The following PHKB variants were observed in gnomAD, a reference collection of about 807,000 sequenced individuals.
PHKB encodes phosphorylase kinase regulatory subunit beta.
Under a neutral mutation model 152.1 loss-of-function variants are expected in PHKB, and 122 were observed. The observed-to-expected ratio is 0.80, with a 90% confidence interval of 0.69 to 0.93. The LOEUF is 0.93. Ranked by LOEUF, PHKB falls within the 40% of genes least tolerant of loss-of-function variation. PHKB has a pLI of 0.00. For synonymous variants in PHKB, 436 were observed against 464.9 expected (o/e 0.94, Z 0.80); for missense variants, 1,304 against 1,328.4 (o/e 0.98, Z 0.29).
rs1971981122 is a variant in PHKB, at chr16:47,588,918, C to T, written c.884C>T (p.Ala295Val). The T allele has an allele frequency of 6.2e-7, 1 of 1,613,190 alleles. No homozygotes were observed. Reference sequence around the variant, plus strand: ...CATTGCCTCCAGAATACAGATGCTGCCCTGCTCCCCTGCATCAGTTATCCT... The same window carrying T: ...CATTGCCTCCAGAATACAGATGCTGTCCTGCTCCCCTGCATCAGTTATCCT... Reference protein sequence around the residue: ...RESRSHNTDAALLPCISYPAF... With the variant: ...RESRSHNTDAVLLPCISYPAF... Residue 295 changes from alanine (A) to valine (V), a missense_variant, in exon 10 of 31, where the codon GCC becomes GTC. Physicochemically the swap from Ala to Val is moderately conservative, Grantham distance 64. Coordinates refer to ENST00000323584, the MANE Select transcript of PHKB (RefSeq NM_000293.3).
intron 14 of PHKB, among the ~76,000 whole-genome samples, chr16:47,636,137 TGAG>T (rs925941321): frequency 3.3e-5 from 5 of 152,150 alleles, no homozygotes; most frequent in African/African-American, 7.2e-5. Context: ...GGGTTGATGA[TGAG>T]GAGTTGAGTT....
intron 6 of PHKB, among the ~76,000 whole-genome samples, chr16:47,541,342 CT>C (rs1476761509): frequency 6.6e-6 from 1 of 152,162 alleles, no homozygotes; most frequent in Non-Finnish European, 1.5e-5. Context: ...TTTTTTATGG[CT>C]GCATAGTATT....
chr16:47,683,216 C>G (rs918413914), intron 26 of PHKB, among the ~76,000 whole-genome samples: 2 of 152,206 alleles, frequency 1.3e-5, no homozygotes, highest in Non-Finnish European at 2.9e-5. Context: ...GGGTCAAGGA[C>G]CTACTTGAGG....
intron 14 of PHKB, among the ~76,000 whole-genome samples, chr16:47,622,277 A>G (rs905869528): frequency 2.0e-5 from 3 of 152,150 alleles, no homozygotes; most frequent in Admixed American, 6.6e-5. Context: ...CCTGTTTTGA[A>G]TCTATTCACA....
intron 6 of PHKB, among the ~76,000 whole-genome samples, chr16:47,543,457 A>G (rs867075751): frequency 2.0e-5 from 3 of 152,084 alleles, no homozygotes; most frequent in Admixed American, 6.5e-5. Flanking sequence ...TTGGTCTAAA[A>G]TTCTCTTTTT....
intron 26 of PHKB, 89 bp downstream of exon 26, chr16:47,669,506 G>T: frequency 8.8e-7 from 1 of 1,139,498 alleles, no homozygotes; most frequent in Admixed American, 1.7e-5. Flanking sequence ...CAATGTTCCT[G>T]GTGTCTGGTG....
At chr16:47,689,879 AAGATGTC>A (rs1455953716) in intron 27 of PHKB, among the ~76,000 whole-genome samples, 2 of 152,260 alleles carry the variant, frequency 1.3e-5, no homozygotes, top group African/African-American at 4.8e-5. Context: ...TCATGTTATA[AAGATGTC>A]AGTTGTAAAT....
intron 26 of PHKB, among the ~76,000 whole-genome samples, chr16:47,685,067 T>C (rs1428765370): frequency 6.6e-6 from 1 of 151,952 alleles, no homozygotes; most frequent in African/African-American, 2.4e-5. Flanking sequence ...CTGCCCTTTG[T>C]TCCTTCCTTC....
intron 7 of PHKB, among the ~76,000 whole-genome samples, chr16:47,574,595 A>G (rs1740956055): frequency 6.6e-6 from 1 of 152,234 alleles, no homozygotes; most frequent in Admixed American, 6.5e-5. Flanking sequence ...TGCAGGCTGT[A>G]TATACAAGAA....
intron 8 of PHKB, among the ~76,000 whole-genome samples, chr16:47,581,264 C>T (rs1971839647): frequency 6.6e-6 from 1 of 152,178 alleles, no homozygotes; most frequent in African/African-American, 2.4e-5. Context: ...CACCTCTCTT[C>T]TCCTTCTTAC....
chr16:47,617,858 C>T (rs950642803), intron 14 of PHKB, among the ~76,000 whole-genome samples: 3 of 152,192 alleles, frequency 2.0e-5, no homozygotes, highest in Non-Finnish European at 4.4e-5. Context: ...TGCCAAATGC[C>T]AGAACATGAA....
chr16:47,537,956 G>A (rs766252060), intron 6 of PHKB, among the ~76,000 whole-genome samples: 9 of 151,888 alleles, frequency 5.9e-5, no homozygotes, highest in South Asian at 4.2e-4. Flanking sequence ...GTGCAGTGGC[G>A]TGATCACAGC....
At chr16:47,695,413 T>TGTA (rs1273172674) in intron 28 of PHKB, among the ~76,000 whole-genome samples, 2 of 152,272 alleles carry the variant, frequency 1.3e-5, no homozygotes, top group African/African-American at 4.8e-5. Flanking sequence ...AGGTACTATC[T>TGTA]GTAAACATTA....
At chr16:47,566,635 TC>T in intron 7 of PHKB, 1 of 1,122,094 alleles carries the variant, frequency 8.9e-7, no homozygotes, top group Non-Finnish European at 1.4e-6. Context: ...GGAAGATGGC[TC>T]CAGTCGATAT....
At chr16:47,540,139 C>G (rs1170557345) in intron 6 of PHKB, among the ~76,000 whole-genome samples, 2 of 152,062 alleles carry the variant, frequency 1.3e-5, no homozygotes, top group Non-Finnish European at 2.9e-5. Flanking sequence ...TGGGGAAGGT[C>G]TATAAACGGC....
chr16:47,605,571 A>C (rs947549452), intron 13 of PHKB, among the ~76,000 whole-genome samples: 7 of 152,192 alleles, frequency 4.6e-5, no homozygotes, highest in Admixed American at 3.3e-4. Flanking sequence ...GTGATCATAC[A>C]ATTGAGATAC....
chr16:47,471,257 G>C (rs567484427), intron 1 of PHKB, among the ~76,000 whole-genome samples: 1 of 152,262 alleles, frequency 6.6e-6, no homozygotes, highest in South Asian at 2.1e-4. Flanking sequence ...TACTGAAAAG[G>C]CCATTATGGG....
At chr16:47,471,633 C>T (rs1165438162) in intron 1 of PHKB, among the ~76,000 whole-genome samples, 3 of 152,106 alleles carry the variant, frequency 2.0e-5, no homozygotes, top group African/African-American at 4.8e-5. Context: ...ATGTGGCCAC[C>T]TTGATTATGC....
intron 7 of PHKB, among the ~76,000 whole-genome samples, chr16:47,549,290 A>G (rs937191895): frequency 6.6e-6 from 1 of 152,232 alleles, no homozygotes; most frequent in Non-Finnish European, 1.5e-5. Flanking sequence ...ACATATGATT[A>G]TCAGATATCT....
Sources: gnomAD v4.1 joint callset for allele counts (sites outside exome capture counted in the v4.1 genomes callset) on GRCh38, gnomAD v4.1.1 for gene constraint, MANE v1.5 for transcripts, NCBI Gene and HGNC (gene_info 2026-07-23, HGNC 2026-07-21) for gene names.